Variants in AFG2A observed in about 807,000 individuals in gnomAD.
The protein encoded by AFG2A is AAA ATPase AFG2A.
chr4:123,090,768 T>C, the AFG2A span: 9 of 1,572,528 alleles, frequency 5.7e-6, no homozygotes, highest in Admixed American at 1.3e-4. Flanking sequence ...TTTTATCAGG[T>C]TTTTGTTTTT....
the AFG2A span, chr4:122,933,376 C>T: frequency 1.6e-6 from 2 of 1,271,330 alleles, no homozygotes; most frequent in Admixed American, 1.9e-5. Context: ...TGTAATTTTA[C>T]ATCACAGTTT....
the AFG2A span, among the ~76,000 whole-genome samples, chr4:123,129,463 A>G: frequency 6.6e-6 from 1 of 152,150 alleles, no homozygotes; most frequent in Non-Finnish European, 1.5e-5. Flanking sequence ...CTCTATTTTG[A>G]GGGGCTGGGA....
At chr4:122,980,583 A>G in the AFG2A span, among the ~76,000 whole-genome samples, 2 of 152,286 alleles carry the variant, frequency 1.3e-5, no homozygotes, top group South Asian at 2.1e-4. Context: ...CCATTTTTCC[A>G]TAATGTCTGT....
At chr4:123,013,147 C>T in the AFG2A span, among the ~76,000 whole-genome samples, 12 of 151,690 alleles carry the variant, frequency 7.9e-5, no homozygotes, top group Admixed American at 1.3e-4. Flanking sequence ...TGGCAGGGGT[C>T]AGGGGGTCAC....
At chr4:122,987,609 T>C in the AFG2A span, among the ~76,000 whole-genome samples, 6 of 152,068 alleles carry the variant, frequency 3.9e-5, no homozygotes, top group Non-Finnish European at 7.4e-5. Context: ...TTGTGATTAC[T>C]CTGAGGCTTA....
At chr4:122,933,050 C>T in the AFG2A span, among the ~76,000 whole-genome samples, 1 of 152,130 alleles carries the variant, frequency 6.6e-6, no homozygotes. Flanking sequence ...TAATAGTGCT[C>T]ATATGTGTGC....
the AFG2A span, among the ~76,000 whole-genome samples, chr4:122,925,712 C>T: frequency 6.6e-6 from 1 of 152,202 alleles, no homozygotes; most frequent in African/African-American, 2.4e-5. Context: ...GCTCTCCTGG[C>T]ACTCTAAGTC....
At chr4:122,936,149 A>G in the AFG2A span, 5 of 1,596,988 alleles carry the variant, frequency 3.1e-6, no homozygotes, top group Non-Finnish European at 4.3e-6. Context: ...TGCTGAAGCC[A>G]CTCTACGGTA....
the AFG2A span, among the ~76,000 whole-genome samples, chr4:122,989,237 A>G: frequency 1.3e-5 from 2 of 152,204 alleles, no homozygotes; most frequent in Non-Finnish European, 2.9e-5. Flanking sequence ...TTGTCTTTAC[A>G]GATTGGTTTC....
At chr4:123,244,594 A>C in the AFG2A span, among the ~76,000 whole-genome samples, 1 of 152,258 alleles carries the variant, frequency 6.6e-6, no homozygotes, top group African/African-American at 2.4e-5. Context: ...TTTAAGAATG[A>C]TGGAGAGGGA....
the AFG2A span, among the ~76,000 whole-genome samples, chr4:123,092,335 T>C: frequency 1.3e-5 from 2 of 152,320 alleles, no homozygotes; most frequent in Admixed American, 1.3e-4. Flanking sequence ...TATTTCCTGG[T>C]TTCCCTGTGG....
chr4:122,992,176 C>A, the AFG2A span, among the ~76,000 whole-genome samples: 1 of 152,198 alleles, frequency 6.6e-6, no homozygotes, highest in Non-Finnish European at 1.5e-5. Context: ...ATTTATTCAT[C>A]ATAGGAACTG....
chr4:123,210,452 G>C, the AFG2A span, among the ~76,000 whole-genome samples: 46 of 152,256 alleles, frequency 3.0e-4, no homozygotes, highest in South Asian at 7.0e-3. Context: ...TTGAATTTCT[G>C]TGCCTGGTTT....
the AFG2A span, among the ~76,000 whole-genome samples, chr4:123,059,922 T>G: frequency 6.6e-6 from 1 of 152,232 alleles, no homozygotes; most frequent in Non-Finnish European, 1.5e-5. Flanking sequence ...GAGCATTTTT[T>G]CATGTGTTTT....
the AFG2A span, among the ~76,000 whole-genome samples, chr4:123,010,703 A>G: frequency 1.3e-5 from 2 of 152,246 alleles, no homozygotes; most frequent in African/African-American, 2.4e-5. Flanking sequence ...CTACCCTAAG[A>G]CAGTCAGTTT....
the AFG2A span, among the ~76,000 whole-genome samples, chr4:122,948,136 A>G: frequency 6.6e-6 from 1 of 152,112 alleles, no homozygotes; most frequent in South Asian, 2.1e-4. Context: ...TTTTGACTGC[A>G]CAGGGATTGG....
chr4:123,008,645 A>G, the AFG2A span, among the ~76,000 whole-genome samples: 49 of 152,116 alleles, frequency 3.2e-4, no homozygotes, highest in South Asian at 7.9e-3. Flanking sequence ...AGTTTTAAGT[A>G]TACATTTTTA....
chr4:123,184,845 T>G, the AFG2A span, among the ~76,000 whole-genome samples: 2 of 152,170 alleles, frequency 1.3e-5, no homozygotes, highest in Non-Finnish European at 2.9e-5. Flanking sequence ...CCCAGCATGA[T>G]CATTTCTAAA....
At chr4:123,073,772 G>GTAT in the AFG2A span, among the ~76,000 whole-genome samples, 5 of 152,164 alleles carry the variant, frequency 3.3e-5, no homozygotes, top group African/African-American at 1.2e-4. Context: ...ACATTTAGAT[G>GTAT]TATTGTTGAC....
Sources: gnomAD v4.1 joint callset for allele counts (sites outside exome capture counted in the v4.1 genomes callset) on GRCh38, gnomAD v4.1.1 for gene constraint, MANE v1.5 for transcripts, NCBI Gene and HGNC (gene_info 2026-07-23, HGNC 2026-07-21) for gene names.